Variants in CHL1 observed in about 807,000 individuals in gnomAD.
CHL1 encodes the protein cell adhesion molecule L1 like, also known as neural cell adhesion molecule L1-like protein.
A neutral mutation model predicts 141.9 loss-of-function variants in CHL1; 96 were observed. That is an observed-to-expected ratio of 0.68 (90% confidence interval 0.57 to 0.80). CHL1 has a LOEUF of 0.80. Among genes scored for constraint, CHL1 ranks in the 30% least tolerant of loss-of-function variants. The pLI, the probability that CHL1 is intolerant of heterozygous loss-of-function variation, is 0.00. For synonymous variants in CHL1, 613 were observed against 502.2 expected, an observed-to-expected ratio of 1.22 and a Z score of -2.95; for missense variants, 1,820 against 1,457.2, an observed-to-expected ratio of 1.25 and a Z score of -4.05.
At chr3:395,223 C>T (rs1249113464) in intron 24 of CHL1, among the ~76,000 whole-genome samples, 2 of 152,142 alleles carry the variant, frequency 1.3e-5, no homozygotes, top group Non-Finnish European at 2.9e-5. Flanking sequence ...AGAAATGTTT[C>T]CATACAGAAA....
At chr3:239,018 T>C (rs12494574) in intron 1 of CHL1, among the ~76,000 whole-genome samples, 77,001 of 151,618 alleles carry the variant, frequency 0.51, 21,222 homozygotes, top group Non-Finnish European at 0.62. Flanking sequence ...ATGTAGCTTA[T>C]ATAGCAGCTG....
chr3:286,002 A>G (rs760708156), intron 2 of CHL1, among the ~76,000 whole-genome samples: 1 of 152,216 alleles, frequency 6.6e-6, no homozygotes, highest in Non-Finnish European at 1.5e-5. Flanking sequence ...ACATAATTAC[A>G]GTAATGAATT....
chr3:307,664 GT>G (rs199777899), intron 2 of CHL1, among the ~76,000 whole-genome samples: 5 of 150,472 alleles, frequency 3.3e-5, no homozygotes, highest in African/African-American at 7.3e-5. Flanking sequence ...AACACTACTT[GT>G]TTTTTTTTAA....
rs779631826 is a variant in CHL1, at chr3:340,816, A to C, written c.408A>C (p.Glu136Asp). 2 of 1,611,076 alleles carry C rather than the reference A, an allele frequency of 1.2e-6. No individual in the cohort carries two copies. The highest frequency in any genetic ancestry group is 1.7e-6 in the Non-Finnish European group (2 of 1,178,256). The change falls in exon 6 of 28, where the codon GAA (glutamate) becomes GAC (aspartate). Residue 136 changes from glutamate (E) to aspartate (D), a missense_variant. By Grantham distance (45) the Glu-to-Asp change is conservative (BLOSUM62 2). Transcript: ENST00000256509. ...CAGGTGTTCCAAAATTCCCAAAAGA[A>C]AAAATTGACCCTCTTGAAGTGGAGG... ...IVPSVPKFPK[E>D]KIDPLEVEEG... is the part of the protein sequence containing the mutation.
chr3:241,453 C>T (rs532952098), intron 1 of CHL1, among the ~76,000 whole-genome samples: 35 of 152,286 alleles, frequency 2.3e-4, no homozygotes, highest in South Asian at 1.9e-3. Context: ...CCCTGACTTC[C>T]GCTGATCCGC....
At chr3:358,746 T>C (rs1195742567) in intron 11 of CHL1, among the ~76,000 whole-genome samples, 1 of 151,896 alleles carries the variant, frequency 6.6e-6, no homozygotes, top group African/African-American at 2.4e-5. Context: ...CAGAAAAAGA[T>C]GTGTAAGTCT....
intron 1 of CHL1, among the ~76,000 whole-genome samples, chr3:229,386 A>G (rs1313596456): frequency 6.6e-6 from 1 of 152,152 alleles, no homozygotes; most frequent in East Asian, 1.9e-4. Flanking sequence ...AAGTTGCCAC[A>G]AATCTTTTGC....
chr3:294,334 C>A (rs925255118), intron 2 of CHL1, among the ~76,000 whole-genome samples: 10 of 152,044 alleles, frequency 6.6e-5, no homozygotes, highest in Admixed American at 1.3e-4. Context: ...TAAATAGGTA[C>A]GTACATACCT....
At chr3:405,208 A>G (rs544589244) in intron 27 of CHL1, among the ~76,000 whole-genome samples, 53 of 152,306 alleles carry the variant, frequency 3.5e-4, no homozygotes, top group Middle Eastern at 3.4e-3. Context: ...TGAATCCCAC[A>G]TGTCCTACAG....
chr3:210,110 CTGTT>C (rs1699779496), intron 1 of CHL1, among the ~76,000 whole-genome samples: 1 of 152,172 alleles, frequency 6.6e-6, no homozygotes, highest in South Asian at 2.1e-4. Context: ...TATACACAAG[CTGTT>C]TGTTATTAGG....
Position 382,463 on chromosome 3 carries a change from T to C in CHL1, c.1979-11T>C. The C allele has an allele frequency of 1.2e-6, 2 of 1,610,024 alleles. No homozygotes were observed. Among genetic ancestry groups the C allele is most frequent in the Non-Finnish European group, 8.5e-7 (1 of 1,176,374 alleles). Reference sequence around the variant, plus strand: ...TACATTCTAATATTTTTTCCCTGTTTATACTACCAGAGTATATTGTTGAAT... The same window carrying C: ...TACATTCTAATATTTTTTCCCTGTTCATACTACCAGAGTATATTGTTGAAT... On this transcript the variant is annotated splice_polypyrimidine_tract_variant and intron_variant, in intron 17 of 27. Coordinates refer to ENST00000256509, the MANE Select transcript of CHL1 (RefSeq NM_006614.4).
At chr3:400,606 A>G (rs1402500253) in intron 26 of CHL1, among the ~76,000 whole-genome samples, 4 of 144,942 alleles carry the variant, frequency 2.8e-5, no homozygotes, top group African/African-American at 1.1e-4. Flanking sequence ...TTTTTTAAGT[A>G]AAGGGAACAA....
At chr3:276,593 G>C (rs1696123900) in intron 2 of CHL1, among the ~76,000 whole-genome samples, 1 of 152,054 alleles carries the variant, frequency 6.6e-6, no homozygotes, top group Non-Finnish European at 1.5e-5. Flanking sequence ...TGGAGTTCAA[G>C]AGTATGGGCT....
At chr3:338,642 A>G (rs909157936) in intron 5 of CHL1, among the ~76,000 whole-genome samples, 9 of 152,324 alleles carry the variant, frequency 5.9e-5, no homozygotes, top group Admixed American at 2.6e-4. Context: ...AAAACCTTAA[A>G]TTTATTGATG....
chr3:233,677 A>G (rs904273702), intron 1 of CHL1, among the ~76,000 whole-genome samples: 1 of 152,322 alleles, frequency 6.6e-6, no homozygotes, highest in African/African-American at 2.4e-5. Context: ...CTCACATTCT[A>G]TAAAAAATTT....
intron 27 of CHL1, among the ~76,000 whole-genome samples, chr3:402,163 A>G (rs1709197499): frequency 6.6e-6 from 1 of 152,254 alleles, no homozygotes; most frequent in African/African-American, 2.4e-5. Flanking sequence ...AATGAATTAA[A>G]TAGAATAAAA....
At chr3:373,073 C>T (rs1705851944) in intron 15 of CHL1, among the ~76,000 whole-genome samples, 1 of 152,168 alleles carries the variant, frequency 6.6e-6, no homozygotes, top group African/African-American at 2.4e-5. Flanking sequence ...TGGAGGGTCT[C>T]ACCCAGTTGG....
At chr3:269,784 C>G (rs1559361537) in intron 2 of CHL1, among the ~76,000 whole-genome samples, 1 of 152,160 alleles carries the variant, frequency 6.6e-6, no homozygotes, top group Non-Finnish European at 1.5e-5. Flanking sequence ...CCCTGGCCTC[C>G]CAAAGTGCAC....
chr3:276,324 G>C (rs938686523), intron 2 of CHL1, among the ~76,000 whole-genome samples: 3 of 152,152 alleles, frequency 2.0e-5, no homozygotes, highest in African/African-American at 7.2e-5. Flanking sequence ...TGAAGGTTGG[G>C]ATTGTCACAA....
Sources: gnomAD v4.1 joint callset for allele counts (sites outside exome capture counted in the v4.1 genomes callset) on GRCh38, gnomAD v4.1.1 for gene constraint, MANE v1.5 for transcripts, NCBI Gene and HGNC (gene_info 2026-07-23, HGNC 2026-07-21) for gene names.